ZNF879: variants seen among roughly 807,000 people sequenced by gnomAD.
ZNF879 encodes zinc finger protein 879.
A neutral mutation model predicts 44.3 loss-of-function variants in ZNF879; 32 were observed. That is an observed-to-expected ratio of 0.72 (90% confidence interval 0.54 to 0.97). The LOEUF (loss-of-function observed/expected upper bound fraction) is 0.97, where lower values mean the gene tolerates loss of function less well. ZNF879 is among the 50% of genes least tolerant of loss of function. The pLI is 0.00. For synonymous variants in ZNF879, 234 were observed against 233.2 expected (o/e 1.00, Z -0.03); for missense variants, 621 against 669.7 (o/e 0.93, Z 0.80).
At position 179,033,828 on chromosome 5, in the gene ZNF879, AT is replaced by A. The variant is rs759208292; in HGVS notation, c.*189del. The A allele has an allele frequency of 3.1e-5, 15 of 477,464 alleles. No homozygotes were observed. The highest frequency in any genetic ancestry group is 5.5e-5 in the Non-Finnish European group (15 of 275,070). 29.6% of individuals were successfully genotyped at this position (477,464 alleles called of 1,614,324 possible). A position where few individuals can be genotyped will look rare whatever the true frequency, so the allele number is the denominator to read the frequency against. On this transcript the variant is annotated 3_prime_UTR_variant, in exon 5 of 5. Coordinates refer to ENST00000444149, the MANE Select transcript of ZNF879 (RefSeq NM_001136116.3). ...GGAATGCTAGAAAAGCTTCTATAAA[AT>A]GTTTATTCATATGTTCTTAAGTTAT...
chr5:179,033,012 C>T lies in ZNF879; in HGVS notation c.1064C>T (p.Ser355Leu). ...ECTQCGKAFT[S>L]ISRLSRHHRI... ...ACTCAGTGTGGGAAAGCCTTCACTTCAATATCGCGGCTAAGTAGGCACCAT... is the reference window on the plus strand; with the variant it reads ...ACTCAGTGTGGGAAAGCCTTCACTTTAATATCGCGGCTAAGTAGGCACCAT... The change falls in exon 5 of 5, where the codon TCA (serine) becomes TTA (leucine). Residue 355 changes from serine (S) to leucine (L), a missense_variant. Physicochemically the swap from Ser to Leu is moderately radical, Grantham distance 145 (BLOSUM62 -2). Coordinates refer to ENST00000444149, the MANE Select transcript of ZNF879 (RefSeq NM_001136116.3). 6.4e-7 allele frequency: 1 copy of T among 1,556,092 alleles called. No homozygotes were observed. Among genetic ancestry groups the T allele is most frequent in the Non-Finnish European group, 8.7e-7 (1 of 1,149,904 alleles).
intron 2 of ZNF879, among the ~76,000 whole-genome samples, chr5:179,026,083 CAAA>C (rs1337124096): frequency 3.4e-5 from 2 of 58,080 alleles, no homozygotes; most frequent in Admixed American, 1.8e-4. Flanking sequence ...GACTCCATCT[CAAA>C]AAAAAAAAAA....
chr5:179,028,857 T>G (rs1163699031), intron 4 of ZNF879, among the ~76,000 whole-genome samples: 1 of 152,186 alleles, frequency 6.6e-6, no homozygotes, highest in Non-Finnish European at 1.5e-5. Context: ...CTGTTGAGCT[T>G]TACCACGTGT....
At position 179,030,238 on chromosome 5, in the gene ZNF879, C is replaced by T. The variant is rs183640836; in HGVS notation, c.257-1967C>T. ...CACTGCTGTGAGTGATAAGCAGTAT[C>T]GTTAGTGGGACTGCAACTGGTAGTC... On this transcript the variant is annotated intron_variant, in intron 4 of 4. Transcript: ENST00000444149. 1.8e-3 allele frequency among the ~76,000 whole-genome samples: 277 copies of T among 152,264 alleles called. 1 individual carries two copies. Among genetic ancestry groups the T allele is most frequent in the African/African-American group, 6.3e-3 (261 of 41,550 alleles).
In ZNF879 at chr5:179,033,124, A is replaced by C. The variant is rs774129557; in HGVS notation, c.1176A>C (p.Arg392Ser). Reference sequence around the variant, plus strand: ...ACTCAGCCCTTATCATACATCAGAGAATTCACACTGGTGAGAAACCATATG... The same window carrying C: ...ACTCAGCCCTTATCATACATCAGAGCATTCACACTGGTGAGAAACCATATG... ...SYHSALIIHQRIHTGEKPYAC... is the reference protein window; with the variant it reads ...SYHSALIIHQSIHTGEKPYAC... The change falls in exon 5 of 5, where the codon AGA becomes AGC. Residue 392 changes from arginine (R) to serine (S), a missense_variant. Physicochemically the swap from Arg to Ser is moderately radical, Grantham distance 110. Coordinates refer to ENST00000444149, the MANE Select transcript of ZNF879 (RefSeq NM_001136116.3). 18 of 1,582,744 alleles carry C rather than the reference A, an allele frequency of 1.1e-5. No individual in the cohort carries two copies. Among genetic ancestry groups the C allele is most frequent in the Non-Finnish European group, 1.5e-5 (18 of 1,164,244 alleles).
chr5:179,024,922 G>T, intron 1 of ZNF879, 48 bp from the exon 2 acceptor site: 1 of 1,421,334 alleles, frequency 7.0e-7, no homozygotes. Flanking sequence ...ATGAGGGTGG[G>T]CATGCAGGCT....
rs930763921 is a variant in ZNF879 at position 179,034,509 on chromosome 5, G to A, written c.*869G>A. ...GCTTTCTGGTTACCAGCCACCAGAA[G>A]GCCCAGGAACAATGTAGAACTCAGG... is the stretch of plus-strand genomic sequence containing the variant. On this transcript the variant is annotated 3_prime_UTR_variant, in exon 5 of 5. Coordinates refer to ENST00000444149, the MANE Select transcript of ZNF879 (RefSeq NM_001136116.3). The A allele has an allele frequency of 1.3e-5, 2 of 152,192 alleles. No homozygotes were observed. Among genetic ancestry groups the A allele is most frequent in the Admixed American group, 1.3e-4 (2 of 15,284 alleles). 9.4% of individuals were successfully genotyped at this position (152,192 alleles called of 1,614,324 possible).
intron 3 of ZNF879, 111 bp from the exon 4 acceptor site, chr5:179,027,921 C>A: frequency 1.0e-6 from 1 of 966,112 alleles, no homozygotes; most frequent in Non-Finnish European, 1.6e-6. Context: ...AGTTTGAAGC[C>A]TCTCAGAACA....
At chr5:179,024,417 A>G (rs1219086497) in intron 1 of ZNF879, 2 of 152,324 alleles carry the variant, frequency 1.3e-5, no homozygotes, top group African/African-American at 4.8e-5. Context: ...ATTTTAAATC[A>G]ATTTCTAGCT....
chr5:179,033,792 G>C lies in ZNF879; in HGVS notation c.*152G>C. The C allele has an allele frequency of 3.8e-6, 2 of 526,576 alleles. No individual in the cohort carries two copies. The highest frequency in any genetic ancestry group is 6.5e-6 in the Non-Finnish European group (2 of 307,516). The allele number at this position is 526,576 out of a possible 1,614,324, so 32.6% of individuals were successfully genotyped here. A position where few individuals can be genotyped will look rare whatever the true frequency, so the allele number is the denominator to read the frequency against. On this transcript the variant is annotated 3_prime_UTR_variant, in exon 5 of 5. Coordinates refer to ENST00000444149, the MANE Select transcript of ZNF879 (RefSeq NM_001136116.3). ...CACACATCAGAGACTTCATGATGCA[G>C]GGTAACCTTGGGAATGCTAGAAAAG...
chr5:179,030,797 A>G (rs1294996923), intron 4 of ZNF879, among the ~76,000 whole-genome samples: 5 of 152,236 alleles, frequency 3.3e-5, no homozygotes, highest in East Asian at 1.9e-4. Flanking sequence ...TTTTGAATCA[A>G]TGATTCCATT....
At chr5:179,024,639 T>G (rs11958355) in intron 1 of ZNF879, 3 of 220,534 alleles carry the variant, frequency 1.4e-5, no homozygotes, top group African/African-American at 2.3e-5. Context: ...AGTGCAGATG[T>G]GTGGAATATT....
chr5:179,029,014 G>A (rs998609443), intron 4 of ZNF879, among the ~76,000 whole-genome samples: 28 of 151,726 alleles, frequency 1.8e-4, no homozygotes, highest in African/African-American at 6.8e-4. Context: ...AAAGGTTCAT[G>A]TGTGCAATAT....
chr5:179,028,181 A>T (rs762690910), intron 4 of ZNF879, 54 bp downstream of exon 4: 6 of 1,499,546 alleles, frequency 4.0e-6, no homozygotes, highest in Non-Finnish European at 5.5e-6. Context: ...CTGCCAGGGC[A>T]CAGCGAGGAG....
Position 179,029,308 on chromosome 5 carries a change from A to AT in ZNF879, c.256+1190dup, listed in dbSNP as rs201825978. Among the ~76,000 whole-genome samples the AT allele has an allele frequency of 1.3e-4, 19 of 151,348 alleles. No homozygotes were observed. The East Asian group carries it at 1.4e-3, about 11-fold the overall frequency. ...TTTTCATTAGGTTATATGAAAGAGT[A>AT]TTTTTTTTTCTTTGTTCTTTGGCAC... On this transcript the variant is annotated intron_variant, in intron 4 of 4. Coordinates refer to ENST00000444149, the MANE Select transcript of ZNF879 (RefSeq NM_001136116.3).
intron 2 of ZNF879, 57 bp downstream of exon 2, chr5:179,025,094 T>G (rs1289354624): frequency 6.5e-7 from 1 of 1,538,052 alleles, no homozygotes; most frequent in Non-Finnish European, 8.8e-7. Context: ...GTGGTAAACT[T>G]CTTCATCTGT....
Position 179,033,221 on chromosome 5 carries a change from GA to G in ZNF879, c.1278del (p.Lys426AsnfsTer74). Reference sequence around the variant, plus strand: ...ACAACATCAAAGAATTCACACTGGAGAAAAACCCTACAAATGTAATGAATGT... The same window carrying G: ...ACAACATCAAAGAATTCACACTGGAGAAAACCCTACAAATGTAATGAATGT... ...LIQHQRIHTG[E>X]KPYKCNECGK... On this transcript the variant is annotated frameshift_variant, in exon 5 of 5. Coordinates refer to ENST00000444149, the MANE Select transcript of ZNF879 (RefSeq NM_001136116.3). LOFTEE classifies it high-confidence loss of function. 2 of 1,595,086 alleles carry G rather than the reference GA, an allele frequency of 1.3e-6. No individual in the cohort carries two copies. The highest frequency in any genetic ancestry group is 1.8e-5 in the Admixed American group (1 of 57,054).
In ZNF879 at chr5:179,025,048, G is replaced by C; in HGVS notation, c.33+11G>C. The C allele has an allele frequency of 6.4e-7, 1 of 1,551,468 alleles. No homozygotes were observed. Among genetic ancestry groups the C allele is most frequent in the Non-Finnish European group, 8.7e-7 (1 of 1,146,842 alleles). On this transcript the variant is annotated intron_variant, in intron 2 of 4. Transcript: ENST00000444149. ...CCAGCCCATGTACAGGTGAGTGAAG[G>C]CTTCTTTTTGCTTGAACTGCCTTCA...
intron 3 of ZNF879, 146 bp from the exon 4 acceptor site, chr5:179,027,886 T>C (rs3932173): frequency 0.63 from 474,082 of 754,082 alleles, 151,715 homozygotes; most frequent in East Asian, 0.83. Flanking sequence ...CCTGGGACCA[T>C]CTCCTGGTTG....
Sources: allele counts gnomAD v4.1 joint callset (sites outside exome capture counted in the v4.1 genomes callset), GRCh38; gene constraint gnomAD v4.1.1; transcripts MANE v1.5; gene names NCBI Gene and HGNC (gene_info 2026-07-23, HGNC 2026-07-21).